PAPPA2: variants seen among roughly 807,000 people sequenced by gnomAD.
PAPPA2 encodes the protein pappalysin-2.
Under a neutral mutation model 176.4 loss-of-function variants are expected in PAPPA2, and 86 were observed. The observed-to-expected ratio is 0.49, with a 90% CI of 0.41 to 0.58. The LOEUF (loss-of-function observed/expected upper bound fraction) is 0.58. Among genes scored for constraint, PAPPA2 ranks in the 20% least tolerant of loss-of-function variants. PAPPA2 has a pLI of 0.00. For synonymous variants in PAPPA2, 809 were observed against 852.2 expected (o/e 0.95, Z 0.88); for missense variants, 2,073 against 2,256.9 (o/e 0.92, Z 1.65).
At chr1:176,582,394 A>G (rs1325231445) in intron 2 of PAPPA2, among the ~76,000 whole-genome samples, 1 of 152,112 alleles carries the variant, frequency 6.6e-6, no homozygotes, top group Non-Finnish European at 1.5e-5. Flanking sequence ...GTCTTTTTCC[A>G]GTTCTTAGAG....
intron 1 of PAPPA2, among the ~76,000 whole-genome samples, chr1:176,508,339 A>C (rs1447778268): frequency 6.6e-6 from 1 of 152,208 alleles, no homozygotes; most frequent in East Asian, 1.9e-4. Flanking sequence ...AGAATTAGCA[A>C]ACAACAATTT....
At chr1:176,674,496 G>A (rs1368959593) in intron 4 of PAPPA2, among the ~76,000 whole-genome samples, 3 of 152,192 alleles carry the variant, frequency 2.0e-5, no homozygotes, top group East Asian at 3.9e-4. Flanking sequence ...CCACTTATAA[G>A]TGATAATATG....
chr1:176,506,257 A>G (rs1648258478), intron 1 of PAPPA2, among the ~76,000 whole-genome samples: 1 of 151,380 alleles, frequency 6.6e-6, no homozygotes, highest in Non-Finnish European at 1.5e-5. Context: ...TTATTGCCTT[A>G]TAGAATAGTT....
intron 21 of PAPPA2, among the ~76,000 whole-genome samples, chr1:176,824,721 G>A (rs568461104): frequency 6.6e-5 from 10 of 152,076 alleles, no homozygotes; most frequent in Non-Finnish European, 1.3e-4. Flanking sequence ...CTTGGGGCAC[G>A]ACCCTTTGTC....
At chr1:176,693,860 G>T (rs1660234342) in intron 6 of PAPPA2, among the ~76,000 whole-genome samples, 1 of 152,162 alleles carries the variant, frequency 6.6e-6, no homozygotes, top group South Asian at 2.1e-4. Flanking sequence ...GTCCTCTGTG[G>T]GTGTGTGCAA....
chr1:176,798,698 C>T (rs1665547290), intron 20 of PAPPA2, among the ~76,000 whole-genome samples: 1 of 152,176 alleles, frequency 6.6e-6, no homozygotes, highest in Non-Finnish European at 1.5e-5. Flanking sequence ...GCTGTAAGTG[C>T]AGGAGAATAA....
At chr1:176,566,213 G>A (rs1166488496) in intron 2 of PAPPA2, among the ~76,000 whole-genome samples, 1 of 152,166 alleles carries the variant, frequency 6.6e-6, no homozygotes, top group Admixed American at 6.5e-5. Flanking sequence ...TCAGGGTTTG[G>A]TGTCTGACTC....
chr1:176,589,414 A>T (rs1021402551), intron 2 of PAPPA2, among the ~76,000 whole-genome samples: 1 of 152,216 alleles, frequency 6.6e-6, no homozygotes, highest in Admixed American at 6.5e-5. Flanking sequence ...CAATTAATGA[A>T]ATATCCTCCC....
chr1:176,782,165 G>T (rs1571319666), intron 17 of PAPPA2, among the ~76,000 whole-genome samples: 1 of 152,140 alleles, frequency 6.6e-6, no homozygotes, highest in Non-Finnish European at 1.5e-5. Flanking sequence ...TCCCTGCTCT[G>T]CCATCAACCA....
intron 4 of PAPPA2, among the ~76,000 whole-genome samples, chr1:176,682,846 T>C (rs1206377306): frequency 6.6e-6 from 1 of 152,122 alleles, no homozygotes; most frequent in African/African-American, 2.4e-5. Flanking sequence ...CAGCATGTTT[T>C]GAGGAGCAGA....
chr1:176,842,574 C>T lies in PAPPA2; in HGVS notation c.*120C>T. The T allele has an allele frequency of 2.2e-6, 2 of 913,770 alleles. No homozygotes were observed. The highest frequency in any genetic ancestry group is 3.4e-6 in the Non-Finnish European group (2 of 589,116). 56.6% of individuals were successfully genotyped at this position (913,770 alleles called of 1,614,324 possible). ...CATGAAATGGAAGAAGGAGGAAGAG[C>T]ATGAAGGATCTTATAAGAAATGCAA... On this transcript the variant is annotated 3_prime_UTR_variant, in exon 23 of 23. Transcript: ENST00000367662.
chr1:176,527,828 C>T (rs1649579830), intron 1 of PAPPA2, among the ~76,000 whole-genome samples: 1 of 152,154 alleles, frequency 6.6e-6, no homozygotes, highest in South Asian at 2.1e-4. Flanking sequence ...AGGGTAGAAG[C>T]AAGTCCATTG....
At chr1:176,620,399 G>T (rs552906656) in intron 3 of PAPPA2, among the ~76,000 whole-genome samples, 1 of 152,194 alleles carries the variant, frequency 6.6e-6, no homozygotes, top group East Asian at 1.9e-4. Flanking sequence ...TAAAGTCACA[G>T]TTATTTAATC....
Position 176,623,758 on chromosome 1 carries a change from C to CCTTCCTTTCTTTCTTTCTTTCTTT in PAPPA2, c.1991+28166_1991+28167insCCTTTCTTTCTTTCTTTCTTTCTT, listed in dbSNP as rs1198828841. Reference sequence around the variant, plus strand: ...TTTCTTTCTCTCTCTTTCCTTCCTTCCTTTCTTTCTTTCTTTCTTTCTTTC... The same window carrying CCTTCCTTTCTTTCTTTCTTTCTTT: ...TTTCTTTCTCTCTCTTTCCTTCCTTCCTTCCTTTCTTTCTTTCTTTCTTTCTTTCTTTCTTTCTTTCTTTCTTTC... On this transcript the variant is annotated intron_variant, in intron 3 of 22. Coordinates refer to ENST00000367662, the MANE Select transcript of PAPPA2 (RefSeq NM_020318.3). Among the ~76,000 whole-genome samples, 40 of 59,056 alleles carry CCTTCCTTTCTTTCTTTCTTTCTTT rather than the reference C, an allele frequency of 6.8e-4. 1 individual carries two copies. Among genetic ancestry groups the CCTTCCTTTCTTTCTTTCTTTCTTT allele is most frequent in the African/African-American group, 2.5e-3 (33 of 13,170 alleles). The allele number at this position is 59,056 out of a possible 152,430, so 38.7% of individuals were successfully genotyped here.
At chr1:176,615,770 C>T (rs886257999) in intron 3 of PAPPA2, among the ~76,000 whole-genome samples, 1 of 152,146 alleles carries the variant, frequency 6.6e-6, no homozygotes, top group African/African-American at 2.4e-5. Flanking sequence ...ATAAAGTGAG[C>T]AGACAAATCA....
At chr1:176,771,534 T>C (rs1664225473) in intron 17 of PAPPA2, among the ~76,000 whole-genome samples, 1 of 152,196 alleles carries the variant, frequency 6.6e-6, no homozygotes, top group Admixed American at 6.5e-5. Context: ...TTATGAGCTG[T>C]GGATATTGGG....
chr1:176,787,427 G>A lies in PAPPA2; in HGVS notation c.4716-2382G>A, dbSNP rs867240337. ...TTTTTGCATTTTTTGTAGATAAGAGGGTTTTGCCATGTTGCCCAGGCTAGT... is the reference window on the plus strand; with the variant it reads ...TTTTTGCATTTTTTGTAGATAAGAGAGTTTTGCCATGTTGCCCAGGCTAGT... On this transcript the variant is annotated intron_variant, in intron 17 of 22. Coordinates refer to ENST00000367662, the MANE Select transcript of PAPPA2 (RefSeq NM_020318.3). 4.6e-5 allele frequency among the ~76,000 whole-genome samples: 7 copies of A among 151,756 alleles called. No homozygotes were observed. In the South Asian group the frequency reaches 1.5e-3, roughly 31 times the overall value.
chr1:176,586,229 T>C (rs1441283908), intron 2 of PAPPA2, among the ~76,000 whole-genome samples: 1 of 152,240 alleles, frequency 6.6e-6, no homozygotes, highest in African/African-American at 2.4e-5. Context: ...TTTGTTTTAA[T>C]TTACATCTTT....
At chr1:176,770,500 C>A (rs149957744) in intron 16 of PAPPA2, among the ~76,000 whole-genome samples, 6 of 152,258 alleles carry the variant, frequency 3.9e-5, no homozygotes, top group South Asian at 4.1e-4. Flanking sequence ...TCCTGATCTG[C>A]ATAATAGGGG....
Sources: gnomAD v4.1 joint callset for allele counts (sites outside exome capture counted in the v4.1 genomes callset) on GRCh38, gnomAD v4.1.1 for gene constraint, MANE v1.5 for transcripts, NCBI Gene and HGNC (gene_info 2026-07-23, HGNC 2026-07-21) for gene names.